Variants in NMNAT1 observed in about 807,000 individuals in gnomAD.
The protein encoded by NMNAT1 is nicotinamide nucleotide adenylyltransferase 1.
Under a neutral mutation model 16.7 loss-of-function variants are expected in NMNAT1, and 11 were observed. The ratio of observed to expected loss-of-function variants is 0.66; its 90% CI spans 0.41 to 1.09. NMNAT1 has a LOEUF of 1.09. NMNAT1 is among the 50% of genes least tolerant of loss of function. The probability of loss-of-function intolerance (pLI) is 0.00; values close to 1 mark genes in which losing one functional copy is unlikely to be tolerated. For synonymous variants in NMNAT1, 110 were observed against 119.8 expected (o/e 0.92, Z 0.53); for missense variants, 280 against 332.3 (o/e 0.84, Z 1.22).
intron 1 of NMNAT1, among the ~76,000 whole-genome samples, chr1:9,966,128 G>C (rs558142463): frequency 7.0e-6 from 1 of 142,960 alleles, no homozygotes; most frequent in East Asian, 2.1e-4. Flanking sequence ...GTGAAACCCC[G>C]TCTCTACCAA....
chr1:9,949,701 C>G (rs960153307), intron 1 of NMNAT1: 2 of 151,826 alleles, frequency 1.3e-5, no homozygotes, highest in African/African-American at 2.4e-5. Flanking sequence ...AGTGATTCGC[C>G]CACCTCGGCC....
intron 2 of NMNAT1, chr1:9,972,410 C>T (rs564957516): frequency 6.8e-5 from 22 of 324,324 alleles, no homozygotes; most frequent in Middle Eastern, 1.0e-3. Flanking sequence ...GCAGTAGAAT[C>T]GCTTGAACCC....
chr1:9,960,569 C>T (rs1218510066), intron 1 of NMNAT1: 3 of 152,072 alleles, frequency 2.0e-5, no homozygotes, highest in East Asian at 1.9e-4. Context: ...TTCAGCCTCC[C>T]GAGTGGCTGG....
rs528959538 is a variant in NMNAT1, at chr1:9,962,437, G to A, written c.-56-9581G>A. 2.2e-3 allele frequency among the ~76,000 whole-genome samples: 329 copies of A among 149,030 alleles called. 1 individual carries two copies. The highest frequency in any genetic ancestry group is 7.8e-3 in the African/African-American group (316 of 40,606). On this transcript the variant is annotated intron_variant, in intron 1 of 4. Coordinates refer to ENST00000377205, the MANE Select transcript of NMNAT1 (RefSeq NM_022787.4). The stretch of plus-strand genomic sequence containing the variant: ...GCGGAGCTTGCAGTGAGCCGAGATC[G>A]CGCCACTGCACTCCAGCCTGGGCGA...
chr1:9,953,641 A>G (rs1641173200), intron 1 of NMNAT1, among the ~76,000 whole-genome samples: 1 of 151,474 alleles, frequency 6.6e-6, no homozygotes, highest in Non-Finnish European at 1.5e-5. Context: ...GAGTTTCACC[A>G]TGTTGGCCAG....
rs914963021 is a variant in NMNAT1, at chr1:9,984,956, G to A, written c.*2255G>A. 1.3e-5 allele frequency: 2 copies of A among 152,100 alleles called. No homozygotes were observed. The highest frequency in any genetic ancestry group is 6.6e-5 in the Admixed American group (1 of 15,232). 9.4% of individuals were successfully genotyped at this position (152,100 alleles called of 1,614,324 possible). A position where few individuals can be genotyped will look rare whatever the true frequency, so the allele number is the denominator to read the frequency against. ...GGATCTAACAACAGAGTAGAAGGAAGGATGCCCTAGGTCAGCATGCAGGGT... is the reference window on the plus strand; with the variant it reads ...GGATCTAACAACAGAGTAGAAGGAAAGATGCCCTAGGTCAGCATGCAGGGT... On this transcript the variant is annotated 3_prime_UTR_variant, in exon 5 of 5. Coordinates refer to ENST00000377205, the MANE Select transcript of NMNAT1 (RefSeq NM_022787.4).
chr1:9,946,485 A>G (rs1191645680), intron 1 of NMNAT1, among the ~76,000 whole-genome samples: 1 of 152,184 alleles, frequency 6.6e-6, no homozygotes, highest in Non-Finnish European at 1.5e-5. Context: ...CAGAGAACGC[A>G]AGTTGCTCCA....
At chr1:9,965,942 C>A (rs1641531327) in intron 1 of NMNAT1, among the ~76,000 whole-genome samples, 1 of 151,558 alleles carries the variant, frequency 6.6e-6, no homozygotes, top group Non-Finnish European at 1.5e-5. Context: ...GACCTGTGAT[C>A]ATGCCATTGG....
chr1:9,955,548 T>A (rs752719790), intron 1 of NMNAT1, among the ~76,000 whole-genome samples: 3 of 152,160 alleles, frequency 2.0e-5, no homozygotes, highest in African/African-American at 4.8e-5. Context: ...GAGGTTGCAG[T>A]GAGCCGAGAT....
chr1:9,995,962 G>A, the NMNAT1 span, among the ~76,000 whole-genome samples: 3 of 151,910 alleles, frequency 2.0e-5, no homozygotes, highest in Non-Finnish European at 1.5e-5. Flanking sequence ...CTGGGAGGCG[G>A]AGGTTGCAGT....
intron 1 of NMNAT1, among the ~76,000 whole-genome samples, chr1:9,953,794 ACT>A (rs1641177838): frequency 1.4e-5 from 1 of 73,802 alleles, no homozygotes; most frequent in African/African-American, 4.8e-5. Flanking sequence ...ATCATATATC[ACT>A]CTTTTTTTTT....
At chr1:9,995,373 T>TA in the NMNAT1 span, among the ~76,000 whole-genome samples, 1 of 152,126 alleles carries the variant, frequency 6.6e-6, no homozygotes, top group East Asian at 1.9e-4. Context: ...CACTCCAGCC[T>TA]AGGCAACAGA....
chr1:9,952,391 G>C (rs1641137509), intron 1 of NMNAT1: 1 of 152,084 alleles, frequency 6.6e-6, no homozygotes, highest in African/African-American at 2.4e-5. Flanking sequence ...TTAACTGAAG[G>C]ATCCCACACC....
At chr1:9,973,877 G>A (rs978680149) in intron 2 of NMNAT1, among the ~76,000 whole-genome samples, 7 of 151,430 alleles carry the variant, frequency 4.6e-5, no homozygotes, top group South Asian at 2.1e-4. Context: ...TCGCTCTGTC[G>A]CCCAGGCTGG....
At chr1:9,987,470 C>A (rs1401411597), downstream of NMNAT1, among the ~76,000 whole-genome samples, 1 of 151,504 alleles carries the variant, frequency 6.6e-6, no homozygotes, top group African/African-American at 2.4e-5. Flanking sequence ...GGAACCCCGT[C>A]TCACTAAAAA....
intron 2 of NMNAT1, among the ~76,000 whole-genome samples, chr1:9,974,336 C>T (rs1276799997): frequency 6.6e-6 from 1 of 151,818 alleles, no homozygotes; most frequent in Non-Finnish European, 1.5e-5. Context: ...AGTGAGCTGC[C>T]TGCCTCAGGC....
chr1:9,958,681 G>T (rs916021692), intron 1 of NMNAT1, among the ~76,000 whole-genome samples: 1 of 151,778 alleles, frequency 6.6e-6, no homozygotes, highest in African/African-American at 2.4e-5. Flanking sequence ...CTCGTGATCC[G>T]CCCACCTCTG....
chr1:9,947,481 T>G (rs1195892334), intron 1 of NMNAT1: 3 of 152,234 alleles, frequency 2.0e-5, no homozygotes, highest in Non-Finnish European at 2.9e-5. Flanking sequence ...CCATCCCCAA[T>G]AGAGGAGGAC....
At chr1:9,979,116 GA>G (rs1282848466) in intron 3 of NMNAT1, among the ~76,000 whole-genome samples, 1 of 152,192 alleles carries the variant, frequency 6.6e-6, no homozygotes, top group African/African-American at 2.4e-5. Context: ...ATTAAAACCA[GA>G]AGTATTTTCA....
Sources: allele counts gnomAD v4.1 joint callset (sites outside exome capture counted in the v4.1 genomes callset), GRCh38; gene constraint gnomAD v4.1.1; transcripts MANE v1.5; gene names NCBI Gene and HGNC (gene_info 2026-07-23, HGNC 2026-07-21).